ULK4: variants seen among roughly 807,000 people sequenced by gnomAD.
The protein encoded by ULK4 is unc-51 like kinase 4, also known as inactive serine/threonine-protein kinase ULK4.
A neutral mutation model predicts 160.6 loss-of-function variants in ULK4; 133 were observed. That is an observed-to-expected ratio of 0.83 (90% CI 0.72 to 0.96). ULK4 has a LOEUF of 0.96. Among genes scored for constraint, ULK4 ranks in the 40% least tolerant of loss-of-function variants. ULK4 has a pLI of 0.00. For missense variants in ULK4, 1,580 were observed against 1,499.5 expected, an observed-to-expected ratio of 1.05 and a Z score of -0.89; for synonymous variants, 534 against 539.8, an observed-to-expected ratio of 0.99 and a Z score of 0.15.
chr3:41,499,832 T>G (rs1404147450), intron 32 of ULK4, among the ~76,000 whole-genome samples: 2 of 152,170 alleles, frequency 1.3e-5, no homozygotes, highest in Non-Finnish European at 2.9e-5. Context: ...TAGTGATATT[T>G]AATAGTGTCT....
rs143641675 is a variant in ULK4, at chr3:41,369,621, C to T, written c.3678+28458G>A. On this transcript the variant is annotated intron_variant, in intron 35 of 36. Coordinates refer to ENST00000301831, the MANE Select transcript of ULK4 (RefSeq NM_017886.4). ...CATCCTGGCCAACATGGTGAAAACC[C>T]GTCTCTACTAAAAAAATACAAAAAT... 6.2e-3 allele frequency among the ~76,000 whole-genome samples: 939 copies of T among 151,492 alleles called. 8 individuals are homozygous for T. Among genetic ancestry groups the T allele is most frequent in the African/African-American group, 0.022 (898 of 41,256 alleles).
intron 35 of ULK4, among the ~76,000 whole-genome samples, chr3:41,357,017 C>A (rs1354119849): frequency 6.6e-6 from 1 of 152,144 alleles, no homozygotes; most frequent in African/African-American, 2.4e-5. Context: ...GGTGTGGAAT[C>A]TCGACTCTAA....
At chr3:41,374,831 G>A (rs977682504) in intron 35 of ULK4, among the ~76,000 whole-genome samples, 6 of 152,082 alleles carry the variant, frequency 3.9e-5, no homozygotes, top group South Asian at 2.1e-4. Context: ...CAAATAGGAA[G>A]AGAGGAAGTC....
At chr3:41,921,822 T>A (rs1439399929) in intron 5 of ULK4, among the ~76,000 whole-genome samples, 1 of 152,200 alleles carries the variant, frequency 6.6e-6, no homozygotes, top group African/African-American at 2.4e-5. Context: ...GATAAAATCC[T>A]GCTATCCAGA....
At chr3:41,433,969 G>A (rs1373022740) in intron 34 of ULK4, among the ~76,000 whole-genome samples, 6 of 152,062 alleles carry the variant, frequency 3.9e-5, no homozygotes, top group East Asian at 1.9e-4. Flanking sequence ...TGATCCGCCC[G>A]CCTTGGCCTC....
At chr3:41,733,149 GAT>G (rs1199641062) in intron 22 of ULK4, among the ~76,000 whole-genome samples, 1 of 152,006 alleles carries the variant, frequency 6.6e-6, no homozygotes, top group African/African-American at 2.4e-5. Flanking sequence ...CGTTTGCAGT[GAT>G]ATGCTATATA....
At chr3:41,842,860 A>C (rs1334784537) in intron 17 of ULK4, among the ~76,000 whole-genome samples, 1 of 152,256 alleles carries the variant, frequency 6.6e-6, no homozygotes, top group East Asian at 1.9e-4. Context: ...CAGAATTCAG[A>C]AATAGCTCCA....
At chr3:41,632,424 T>C (rs1376915581) in intron 30 of ULK4, among the ~76,000 whole-genome samples, 1 of 152,252 alleles carries the variant, frequency 6.6e-6, no homozygotes, top group African/African-American at 2.4e-5. Flanking sequence ...TTTTGGAATC[T>C]ACCTGAAATC....
chr3:41,958,924 T>G, intron 1 of ULK4, among the ~76,000 whole-genome samples: 1 of 152,116 alleles, frequency 6.6e-6, no homozygotes, highest in East Asian at 1.9e-4. Flanking sequence ...ATGGCTGAGT[T>G]CCATTAAAAC....
intron 17 of ULK4, among the ~76,000 whole-genome samples, chr3:41,859,110 T>C (rs2042438722): frequency 1.3e-5 from 2 of 152,202 alleles, no homozygotes; most frequent in Non-Finnish European, 2.9e-5. Context: ...ATAATCATTT[T>C]CTGGAGTCAG....
chr3:41,917,292 C>CAT, intron 7 of ULK4, among the ~76,000 whole-genome samples: 1 of 151,958 alleles, frequency 6.6e-6, no homozygotes, highest in African/African-American at 2.4e-5. Flanking sequence ...TCACTCGAGG[C>CAT]CAGGAGTTCA....
chr3:41,932,714 A>G lies in ULK4; in HGVS notation c.379-708T>C, dbSNP rs537482884. Among the ~76,000 whole-genome samples the G allele has an allele frequency of 2.5e-4, 38 of 152,298 alleles. No homozygotes were observed. The South Asian group carries it at 7.5e-3, about 30-fold the overall frequency. ...TTTCCCGTATTAAAAGTATTTCTAC[A>G]TAGGTACAATGGGTCAGGTGGCTTT... is the stretch of plus-strand genomic sequence containing the variant. On this transcript the variant is annotated intron_variant, in intron 4 of 36. Coordinates refer to ENST00000301831, the MANE Select transcript of ULK4 (RefSeq NM_017886.4).
chr3:41,377,151 C>A (rs553332662), intron 35 of ULK4, among the ~76,000 whole-genome samples: 1 of 152,234 alleles, frequency 6.6e-6, no homozygotes, highest in South Asian at 2.1e-4. Flanking sequence ...ATAAATGGTG[C>A]TGGGAAAACT....
At chr3:41,614,782 G>T (rs144582507) in intron 31 of ULK4, among the ~76,000 whole-genome samples, 136 of 152,286 alleles carry the variant, frequency 8.9e-4, no homozygotes, top group African/African-American at 3.2e-3. Flanking sequence ...ACGATTTATA[G>T]AATAATATTT....
At chr3:41,469,515 C>T (rs2083917150) in intron 32 of ULK4, among the ~76,000 whole-genome samples, 1 of 148,666 alleles carries the variant, frequency 6.7e-6, no homozygotes, top group African/African-American at 2.5e-5. Flanking sequence ...ATCTAGAGAG[C>T]CCAAAGCAAG....
chr3:41,564,779 T>C (rs947203129), intron 32 of ULK4, among the ~76,000 whole-genome samples: 4 of 152,020 alleles, frequency 2.6e-5, no homozygotes, highest in Admixed American at 2.6e-4. Context: ...TTGTTTTTTA[T>C]AAATCGAGTG....
chr3:41,451,637 C>G (rs568988242), intron 34 of ULK4, among the ~76,000 whole-genome samples: 1 of 152,134 alleles, frequency 6.6e-6, no homozygotes, highest in Admixed American at 6.6e-5. Flanking sequence ...TCCTGGCAAC[C>G]TCTGGCCAGA....
At chr3:41,275,482 C>A (rs1265590591) in intron 35 of ULK4, among the ~76,000 whole-genome samples, 1 of 152,156 alleles carries the variant, frequency 6.6e-6, no homozygotes, top group South Asian at 2.1e-4. Flanking sequence ...AGAATGCCTA[C>A]AAGATCAAAG....
At chr3:41,823,901 G>A (rs917211235) in intron 18 of ULK4, among the ~76,000 whole-genome samples, 6 of 152,090 alleles carry the variant, frequency 3.9e-5, no homozygotes, top group Non-Finnish European at 5.9e-5. Context: ...GGTGGCTCAC[G>A]CCTATAATCT....
Sources: gnomAD v4.1 joint callset for allele counts (sites outside exome capture counted in the v4.1 genomes callset) on GRCh38, gnomAD v4.1.1 for gene constraint, MANE v1.5 for transcripts, NCBI Gene and HGNC (gene_info 2026-07-23, HGNC 2026-07-21) for gene names.